RABIF: variants seen among roughly 807,000 people sequenced by gnomAD.
The protein encoded by RABIF is guanine nucleotide exchange factor MSS4.
Under a neutral mutation model 12.3 loss-of-function variants are expected in RABIF, and 13 were observed. The observed-to-expected ratio is 1.06, with a 90% CI of 0.69 to 1.68. The LOEUF (loss-of-function observed/expected upper bound fraction) is 1.68. Among genes scored for constraint, RABIF ranks in the 40% most tolerant of loss-of-function variants. The probability of loss-of-function intolerance (pLI) is 0.00; values close to 1 mark genes in which losing one functional copy is unlikely to be tolerated. For missense variants in RABIF, 153 were observed against 158.0 expected (o/e 0.97, Z 0.17); for synonymous variants, 70 against 63.3 (o/e 1.11, Z -0.50).
chr1:202,885,086 C>CAAAAAAAAAAAAAAAAAAAAAAAAAAA (rs113531957), intron 1 of RABIF, among the ~76,000 whole-genome samples: 1 of 120,604 alleles, frequency 8.3e-6, no homozygotes, highest in Non-Finnish European at 1.7e-5. Context: ...GACTCTATCT[C>CAAAAAAAAAAAAAAAAAAAAAAAAAAA]AAAAAAAAAA....
At position 202,881,164 on chromosome 1, in the gene RABIF, G is replaced by C; in HGVS notation, c.186C>G (p.Gly62=). 6.2e-7 allele frequency: 1 copy of C among 1,614,096 alleles called. No individual in the cohort carries two copies. Among genetic ancestry groups the C allele is most frequent in the Non-Finnish European group, 8.5e-7 (1 of 1,180,016 alleles). The part of the protein sequence containing the change: ...PALSDGSNPD[G]DLLQEHWLVE... ...CCAGCCAGTGTTCCTGGAGGAGATC[G>C]CCGTCAGGATTGCTGCCGTCAGACA... The change falls in exon 2 of 2, where the codon GGC becomes GGG. Residue 62 remains glycine, a synonymous_variant. Coordinates refer to ENST00000367262, the MANE Select transcript of RABIF (RefSeq NM_002871.5).
chr1:202,889,125 C>A lies in RABIF; in HGVS notation c.-27G>T. On this transcript the variant is annotated 5_prime_UTR_variant, in exon 1 of 2. Transcript: ENST00000367262. ...GCCGCTGCCGCCACAGGCTCCTCAG[C>A]CACGGCTGCGCAGACGCTGTCTCTG... is the stretch of plus-strand genomic sequence containing the variant. The A allele has an allele frequency of 6.3e-7, 1 of 1,591,966 alleles. No homozygotes were observed. Among genetic ancestry groups the A allele is most frequent in the South Asian group, 1.1e-5 (1 of 88,456 alleles).
intron 1 of RABIF, among the ~76,000 whole-genome samples, chr1:202,881,779 T>A (rs1659495390): frequency 6.6e-6 from 1 of 152,278 alleles, no homozygotes; most frequent in South Asian, 2.1e-4. Context: ...GGGCCCCACA[T>A]GGTCCTAGTT....
At position 202,880,655 on chromosome 1, in the gene RABIF, A is replaced by C; in HGVS notation, c.*323T>G. The stretch of plus-strand genomic sequence containing the variant: ...TGAATACTGCTCTTCTAGAGCAAGA[A>C]AAAGCGGGAGCCCCTGGGCAAAACA... On this transcript the variant is annotated 3_prime_UTR_variant, in exon 2 of 2. Transcript: ENST00000367262. The C allele has an allele frequency of 9.8e-7, 1 of 1,024,530 alleles. No homozygotes were observed. The highest frequency in any genetic ancestry group is 1.2e-6 in the Non-Finnish European group (1 of 841,490). 63.5% of individuals were successfully genotyped at this position (1,024,530 alleles called of 1,614,324 possible). A position where few individuals can be genotyped will look rare whatever the true frequency, so the allele number is the denominator to read the frequency against.
At chr1:202,885,086 C>CAAAAAAAAAAAAAAAA (rs113531957) in intron 1 of RABIF, among the ~76,000 whole-genome samples, 10 of 120,600 alleles carry the variant, frequency 8.3e-5, no homozygotes, top group East Asian at 6.5e-4. Context: ...GACTCTATCT[C>CAAAAAAAAAAAAAAAA]AAAAAAAAAA....
chr1:202,878,887 A>AGT lies in RABIF; in HGVS notation c.*2090_*2091insAC, dbSNP rs1235869327. 1.3e-5 allele frequency: 2 copies of AGT among 152,172 alleles called. No individual in the cohort carries two copies. Among genetic ancestry groups the AGT allele is most frequent in the African/African-American group, 4.8e-5 (2 of 41,444 alleles). 9.4% of individuals were successfully genotyped at this position (152,172 alleles called of 1,614,324 possible). On this transcript the variant is annotated 3_prime_UTR_variant, in exon 2 of 2. Transcript: ENST00000367262. ...TTGGTTGACCTTAAGCTAAACCCCA[A>AGT]GGTTCAGGTTTCAGCTCTCCTTTGT...
chr1:202,889,113 C>T lies in RABIF; in HGVS notation c.-15G>A, dbSNP rs1659613036. On this transcript the variant is annotated 5_prime_UTR_variant, in exon 1 of 2. The change creates a new upstream start codon in the 5' untranslated region. Transcript: ENST00000367262. ...GCTGGTTCCATCGCCGCTGCCGCCA[C>T]AGGCTCCTCAGCCACGGCTGCGCAG... 2 of 1,599,026 alleles carry T rather than the reference C, an allele frequency of 1.3e-6. No homozygotes were observed. Among genetic ancestry groups the T allele is most frequent in the African/African-American group, 1.3e-5 (1 of 74,432 alleles).
rs1007496214 is a variant in RABIF, at chr1:202,889,050, T to A, written c.49A>T (p.Asn17Tyr). ...CGCTGGCACAGCACCGCCTTCCGGT[T>A]TCGGCCCTCGGCTGACACTAACTCG... ...PSELVSAEGR[N>Y]RKAVLCQRCG... is the part of the protein sequence containing the mutation. The change falls in exon 1 of 2, where the codon AAC (asparagine) becomes TAC (tyrosine). Residue 17 changes from asparagine to tyrosine, a missense_variant. Around this residue, in one of 2 missense-constraint regions of RABIF, gnomAD observed 113 missense variants for 90.9 expected, o/e 1.24. Transcript: ENST00000367262. The A allele has an allele frequency of 1.2e-6, 2 of 1,611,120 alleles. No individual in the cohort carries two copies. Among genetic ancestry groups the A allele is most frequent in the Admixed American group, 1.7e-5 (1 of 59,648 alleles).
At chr1:202,888,100 T>C (rs1364635581) in intron 1 of RABIF, among the ~76,000 whole-genome samples, 1 of 152,212 alleles carries the variant, frequency 6.6e-6, no homozygotes, top group African/African-American at 2.4e-5. Context: ...ACATTACACT[T>C]CACCATCTGT....
At chr1:202,888,486 G>A (rs1659597127) in intron 1 of RABIF, among the ~76,000 whole-genome samples, 1 of 152,188 alleles carries the variant, frequency 6.6e-6, no homozygotes, top group African/African-American at 2.4e-5. Flanking sequence ...ATAGGTGCCC[G>A]TCATAAATGA....
intron 1 of RABIF, among the ~76,000 whole-genome samples, chr1:202,886,771 C>G (rs1456539994): frequency 1.4e-5 from 2 of 146,828 alleles, no homozygotes; most frequent in Non-Finnish European, 3.0e-5. Flanking sequence ...GAGACGGAGT[C>G]TCGCTCTGTC....
intron 1 of RABIF, among the ~76,000 whole-genome samples, chr1:202,888,377 A>C (rs1659595675): frequency 1.3e-5 from 2 of 152,186 alleles, no homozygotes; most frequent in African/African-American, 4.8e-5. Flanking sequence ...CATCTGGAAA[A>C]CCACAGGCTT....
At chr1:202,884,860 G>A (rs949200840) in intron 1 of RABIF, among the ~76,000 whole-genome samples, 11 of 151,916 alleles carry the variant, frequency 7.2e-5, no homozygotes, top group African/African-American at 2.4e-4. Flanking sequence ...TGAGGTGGCC[G>A]GATCACCTGA....
At chr1:202,882,217 C>CA (rs1659501514) in intron 1 of RABIF, among the ~76,000 whole-genome samples, 1 of 151,990 alleles carries the variant, frequency 6.6e-6, no homozygotes, top group Non-Finnish European at 1.5e-5. Context: ...CCCATCTCTA[C>CA]AAAAAACACA....
intron 1 of RABIF, among the ~76,000 whole-genome samples, chr1:202,885,086 CAAAAA>C (rs113531957): frequency 2.5e-5 from 3 of 120,598 alleles, no homozygotes; most frequent in Admixed American, 8.3e-5. Flanking sequence ...GACTCTATCT[CAAAAA>C]AAAAAAAAAA....
chr1:202,883,826 C>T (rs1659523816), intron 1 of RABIF, among the ~76,000 whole-genome samples: 1 of 152,166 alleles, frequency 6.6e-6, no homozygotes, highest in African/African-American at 2.4e-5. Context: ...TGCTCTATTC[C>T]TCAACATTCC....
chr1:202,884,636 C>A (rs1659533986), intron 1 of RABIF, among the ~76,000 whole-genome samples: 1 of 152,092 alleles, frequency 6.6e-6, no homozygotes, highest in South Asian at 2.1e-4. Flanking sequence ...ACGGAGGTGG[C>A]CCCAAATCCT....
In RABIF at chr1:202,879,925, G is replaced by A. The variant is rs989484084; in HGVS notation, c.*1053C>T. On this transcript the variant is annotated 3_prime_UTR_variant, in exon 2 of 2. Coordinates refer to ENST00000367262, the MANE Select transcript of RABIF (RefSeq NM_002871.5). Reference sequence around the variant, plus strand: ...GAAATCAAGTTGAAGGCTTAAACACGTCTGCTGATATCAAACTGTTAGAGC... The same window carrying A: ...GAAATCAAGTTGAAGGCTTAAACACATCTGCTGATATCAAACTGTTAGAGC... 1 of 152,158 alleles carries A rather than the reference G, an allele frequency of 6.6e-6. No individual in the cohort carries two copies. The highest frequency in any genetic ancestry group is 6.5e-5 in the Admixed American group (1 of 15,276). The allele number at this position is 152,158 out of a possible 1,614,324, so 9.4% of individuals were successfully genotyped here.
At chr1:202,885,789 A>G (rs1328095214) in intron 1 of RABIF, among the ~76,000 whole-genome samples, 1 of 152,242 alleles carries the variant, frequency 6.6e-6, no homozygotes, top group African/African-American at 2.4e-5. Context: ...TGCTCAAATT[A>G]GTATTTGAGA....
Sources: gnomAD v4.1 joint callset for allele counts (sites outside exome capture counted in the v4.1 genomes callset) on GRCh38, gnomAD v4.1.1 for gene constraint, gnomAD v4.1.1 regional missense constraint, MANE v1.5 for transcripts, NCBI Gene and HGNC (gene_info 2026-07-23, HGNC 2026-07-21) for gene names.